The following SH3PXD2B variants were observed in gnomAD, a reference collection of about 807,000 sequenced individuals.
SH3PXD2B encodes SH3 and PX domain-containing protein 2B.
A neutral mutation model predicts 73.1 loss-of-function variants in SH3PXD2B; 37 were observed. The observed-to-expected ratio is 0.51, with a 90% confidence interval of 0.39 to 0.67. The LOEUF (loss-of-function observed/expected upper bound fraction) is 0.67, where lower values mean the gene tolerates loss of function less well. SH3PXD2B is among the 30% of genes least tolerant of loss of function. SH3PXD2B has a pLI of 0.00. For synonymous variants in SH3PXD2B, 457 were observed against 480.5 expected (o/e 0.95, Z 0.64); for missense variants, 1,053 against 1,197.8 (o/e 0.88, Z 1.78).
Position 172,393,921 on chromosome 5 carries a change from C to T in SH3PXD2B, c.309+642G>A, listed in dbSNP as rs146250746. Reference sequence around the variant, plus strand: ...AGCATGAATGTATAATGGAATACTACGTGGTCATTAAAAGTAGGCTTAAGA... The same window carrying T: ...AGCATGAATGTATAATGGAATACTATGTGGTCATTAAAAGTAGGCTTAAGA... On this transcript the variant is annotated intron_variant, in intron 4 of 12. Coordinates refer to ENST00000311601, the MANE Select transcript of SH3PXD2B (RefSeq NM_001017995.3). Among the ~76,000 whole-genome samples the T allele has an allele frequency of 6.2e-3, 936 of 150,802 alleles. 12 individuals are homozygous for T. Among genetic ancestry groups the T allele is most frequent in the African/African-American group, 0.021 (875 of 40,790 alleles).
At chr5:172,416,331 CT>C (rs200998117) in intron 2 of SH3PXD2B, among the ~76,000 whole-genome samples, 93 of 143,272 alleles carry the variant, frequency 6.5e-4, no homozygotes, top group Non-Finnish European at 6.9e-4. Context: ...CCTGTCTCTA[CT>C]TTTTTTTTTT....
At chr5:172,428,587 A>ATTGCT (rs1759159774) in intron 1 of SH3PXD2B, among the ~76,000 whole-genome samples, 1 of 152,144 alleles carries the variant, frequency 6.6e-6, no homozygotes, top group South Asian at 2.1e-4. Flanking sequence ...TAACCCCATG[A>ATTGCT]TTGCTTTCCC....
At chr5:172,362,614 C>G in intron 7 of SH3PXD2B, 121 bp downstream of exon 7, 1 of 1,402,372 alleles carries the variant, frequency 7.1e-7, no homozygotes, top group East Asian at 2.3e-5. Context: ...AGACCCTCAG[C>G]AGGATCTATG....
In SH3PXD2B at chr5:172,411,453, T is replaced by TG. The variant is rs10695006; in HGVS notation, c.157-5102_157-5101insC. 2.2e-4 allele frequency among the ~76,000 whole-genome samples: 33 copies of TG among 151,912 alleles called. No individual in the cohort carries two copies. The East Asian group carries it at 5.6e-3, about 26-fold the overall frequency. On this transcript the variant is annotated intron_variant, in intron 2 of 12. Coordinates refer to ENST00000311601, the MANE Select transcript of SH3PXD2B (RefSeq NM_001017995.3). ...CAAGGAGCTGAAAGGCCTCCCTTTG[T>TG]TTTATTTGTTGGAGGTGGCAGATCT...
intron 1 of SH3PXD2B, among the ~76,000 whole-genome samples, chr5:172,439,062 A>G (rs1473743480): frequency 6.6e-6 from 1 of 151,488 alleles, no homozygotes; most frequent in Non-Finnish European, 1.5e-5. Flanking sequence ...AATGTGGTGA[A>G]ACCCCGTCTC....
intron 3 of SH3PXD2B, among the ~76,000 whole-genome samples, chr5:172,396,833 C>T (rs989836713): frequency 2.1e-4 from 32 of 152,084 alleles, no homozygotes; most frequent in African/African-American, 6.5e-4. Flanking sequence ...CCCAGCTACT[C>T]AGGAGACTGA....
chr5:172,325,201 A>T, exon 13 of SH3PXD2B: 1 of 1,081,594 alleles, frequency 9.2e-7, no homozygotes, highest in Non-Finnish European at 1.3e-6. Flanking sequence ...CGCATATTTT[A>T]CCACGACAAA....
downstream of SH3PXD2B, among the ~76,000 whole-genome samples, chr5:172,329,919 G>A (rs1756525189): frequency 6.6e-6 from 1 of 152,198 alleles, no homozygotes; most frequent in Admixed American, 6.5e-5. Context: ...TAATTTACAA[G>A]TCTCTAAAGG....
Position 172,437,214 on chromosome 5 carries a change from C to T in SH3PXD2B, c.76-14718G>A, listed in dbSNP as rs13358172. Among the ~76,000 whole-genome samples the T allele has an allele frequency of 9.0e-3, 1,368 of 152,260 alleles. 18 individuals are homozygous for T. Among genetic ancestry groups the T allele is most frequent in the African/African-American group, 0.03 (1,254 of 41,528 alleles). On this transcript the variant is annotated intron_variant, in intron 1 of 12. Transcript: ENST00000311601. ...GGCAGGGCGGTCGGATGGAGCTCCACGGGCTTGACTAATGGGAAACCCGAC... is the reference window on the plus strand; with the variant it reads ...GGCAGGGCGGTCGGATGGAGCTCCATGGGCTTGACTAATGGGAAACCCGAC...
chr5:172,417,185 T>TA (rs1444004945), intron 2 of SH3PXD2B, among the ~76,000 whole-genome samples: 6 of 152,240 alleles, frequency 3.9e-5, no homozygotes, highest in Middle Eastern at 6.3e-3. Flanking sequence ...ACTGCTCTGT[T>TA]AGTCTCCATG....
chr5:172,416,758 G>C (rs1758836467), intron 2 of SH3PXD2B, among the ~76,000 whole-genome samples: 3 of 122,718 alleles, frequency 2.4e-5, no homozygotes, highest in Non-Finnish European at 1.6e-5. Flanking sequence ...GCCTAGGCTA[G>C]AGTGCAGTGG....
chr5:172,391,876 T>C (rs1408193373), intron 4 of SH3PXD2B, among the ~76,000 whole-genome samples: 1 of 152,260 alleles, frequency 6.6e-6, no homozygotes, highest in South Asian at 2.1e-4. Context: ...GAGTCATAGC[T>C]AAAAACTCTG....
intron 12 of SH3PXD2B, among the ~76,000 whole-genome samples, chr5:172,327,083 C>A (rs941260089): frequency 2.6e-5 from 4 of 152,154 alleles, no homozygotes; most frequent in Non-Finnish European, 5.9e-5. Context: ...TGGTCTCGAA[C>A]TCCTGACCTC....
At chr5:172,349,993 T>C (rs1285701114) in intron 10 of SH3PXD2B, among the ~76,000 whole-genome samples, 1 of 152,152 alleles carries the variant, frequency 6.6e-6, no homozygotes, top group Non-Finnish European at 1.5e-5. Context: ...TAGCTGGGAT[T>C]TCAGGCAGCT....
chr5:172,382,189 G>T, intron 4 of SH3PXD2B, 62 bp from the exon 5 acceptor site: 1 of 1,342,868 alleles, frequency 7.4e-7, no homozygotes, highest in Non-Finnish European at 1.0e-6. Flanking sequence ...GGTGGCACGC[G>T]CCTATAATCC....
In SH3PXD2B at chr5:172,333,765, T is replaced by C. The variant is rs1756620699; in HGVS notation, c.*4604A>G. The stretch of plus-strand genomic sequence containing the variant: ...ACACGAGGTGGTGGGCAGTGCCCAC[T>C]GTTCCTGGAGGGAGGTAAGAAATGG... On this transcript the variant is annotated 3_prime_UTR_variant, in exon 13 of 13. Coordinates refer to ENST00000311601, the MANE Select transcript of SH3PXD2B (RefSeq NM_001017995.3). 7.8e-7 allele frequency: 1 copy of C among 1,289,360 alleles called. No individual in the cohort carries two copies. The highest frequency in any genetic ancestry group is 1.0e-6 in the Non-Finnish European group (1 of 988,778). The allele number at this position is 1,289,360 out of a possible 1,614,324, so 79.9% of individuals were successfully genotyped here. A position where few individuals can be genotyped will look rare whatever the true frequency, so the allele number is the denominator to read the frequency against.
intron 1 of SH3PXD2B, among the ~76,000 whole-genome samples, chr5:172,423,895 G>A (rs1040749379): frequency 2.0e-5 from 3 of 151,938 alleles, no homozygotes; most frequent in Non-Finnish European, 4.4e-5. Flanking sequence ...CACCTATGTC[G>A]GCCTCCCAAA....
In SH3PXD2B at chr5:172,335,299, ATG is replaced by A. The variant is rs1756660728; in HGVS notation, c.*3068_*3069del. The A allele has an allele frequency of 1.7e-6, 2 of 1,155,598 alleles. No individual in the cohort carries two copies. The highest frequency in any genetic ancestry group is 3.2e-5 in the African/African-American group (2 of 62,838). 71.6% of individuals were successfully genotyped at this position (1,155,598 alleles called of 1,614,324 possible). Reference sequence around the variant, plus strand: ...GCCATTTGGCCTGTGACCTACTGAAATGTGTGAGCAAGGGGCGGGGGGAAGAG... The same window carrying A: ...GCCATTTGGCCTGTGACCTACTGAAATGTGAGCAAGGGGCGGGGGGAAGAG... On this transcript the variant is annotated 3_prime_UTR_variant, in exon 13 of 13. Coordinates refer to ENST00000311601, the MANE Select transcript of SH3PXD2B (RefSeq NM_001017995.3).
intron 2 of SH3PXD2B, among the ~76,000 whole-genome samples, chr5:172,409,225 C>T (rs968353845): frequency 6.6e-6 from 1 of 151,790 alleles, no homozygotes; most frequent in Admixed American, 6.6e-5. Flanking sequence ...ACTAAAAATA[C>T]AAAAAAATTA....
Sources: allele counts gnomAD v4.1 joint callset (sites outside exome capture counted in the v4.1 genomes callset), GRCh38; gene constraint gnomAD v4.1.1; transcripts MANE v1.5; gene names NCBI Gene and HGNC (gene_info 2026-07-23, HGNC 2026-07-21).